The following FAM135A variants were observed in gnomAD, a reference collection of about 807,000 sequenced individuals.
FAM135A encodes the protein family with sequence similarity 135 member A, also known as protein FAM135A.
FAM135A carries 79 observed loss-of-function variants against 146.8 expected under a neutral mutation model. The ratio of observed to expected loss-of-function variants is 0.54; its 90% CI spans 0.45 to 0.65. FAM135A has a LOEUF of 0.65. Ranked by LOEUF, FAM135A falls within the 30% of genes least tolerant of loss-of-function variation. FAM135A has a pLI of 0.00. For synonymous variants in FAM135A, 562 were observed against 603.6 expected (o/e 0.93, Z 1.01); for missense variants, 1,623 against 1,758.2 (o/e 0.92, Z 1.38).
chr6:70,483,926 G>C (rs1044343963), intron 10 of FAM135A, among the ~76,000 whole-genome samples: 4 of 152,136 alleles, frequency 2.6e-5, no homozygotes, highest in Non-Finnish European at 4.4e-5. Flanking sequence ...CTTACTTTGA[G>C]CCTACAAACA....
chr6:70,528,114 A>G (rs145727651), intron 15 of FAM135A, among the ~76,000 whole-genome samples, 178 bp from the exon 16 acceptor site: 247 of 152,342 alleles, frequency 1.6e-3, no homozygotes, highest in Admixed American at 5.4e-3. Flanking sequence ...AATATGTACT[A>G]CAAATAATAA....
intron 2 of FAM135A, among the ~76,000 whole-genome samples, chr6:70,423,591 T>G (rs774181108): frequency 1.1e-4 from 17 of 152,222 alleles, no homozygotes; most frequent in Non-Finnish European, 2.1e-4. Context: ...GCAAAGAATT[T>G]CCTTTTAAAC....
intron 20 of FAM135A, among the ~76,000 whole-genome samples, chr6:70,549,649 T>A (rs1375745385): frequency 6.6e-6 from 1 of 152,222 alleles, no homozygotes; most frequent in Non-Finnish European, 1.5e-5. Flanking sequence ...TAAAATACTT[T>A]ATTGTTAAAA....
At position 70,537,136 on chromosome 6, in the gene FAM135A, A is replaced by G. The variant is rs1796938998; in HGVS notation, c.4117+725A>G. On this transcript the variant is annotated intron_variant, in intron 19 of 21. Coordinates refer to ENST00000418814, the MANE Select transcript of FAM135A (RefSeq NM_001162529.3). ...TTTTTAGTAGAGACGGGGTTTCACC[A>G]TGTTGGCCAGAATGGTCTTGATCTC... 7.2e-5 allele frequency among the ~76,000 whole-genome samples: 11 copies of G among 152,048 alleles called. No individual in the cohort carries two copies. The South Asian group carries it at 2.3e-3, about 32-fold the overall frequency.
chr6:70,480,788 T>G, intron 8 of FAM135A, 113 bp from the exon 9 acceptor site: 4 of 994,732 alleles, frequency 4.0e-6, no homozygotes, highest in Middle Eastern at 2.6e-4. Flanking sequence ...TTTGAACTTA[T>G]AAACTTGCAA....
intron 4 of FAM135A, among the ~76,000 whole-genome samples, chr6:70,442,338 C>G (rs1286965280): frequency 6.8e-6 from 1 of 147,780 alleles, no homozygotes; most frequent in Non-Finnish European, 1.5e-5. Flanking sequence ...TGTGGAATTG[C>G]AATCAAGTAG....
chr6:70,417,548 GT>G, intron 2 of FAM135A: 2 of 918,900 alleles, frequency 2.2e-6, no homozygotes, highest in Non-Finnish European at 2.6e-6. Flanking sequence ...GTTATGAAAT[GT>G]TCTTTTGCTA....
chr6:70,530,806 GA>G (rs1420408186), intron 16 of FAM135A, among the ~76,000 whole-genome samples: 4 of 152,088 alleles, frequency 2.6e-5, no homozygotes, highest in Non-Finnish European at 5.9e-5. Context: ...GATAAAAATA[GA>G]AATATAAACT....
At chr6:70,428,280 A>G (rs1320333152) in intron 3 of FAM135A, 24 bp from the exon 4 acceptor site, 1 of 1,209,236 alleles carries the variant, frequency 8.3e-7, no homozygotes, top group Non-Finnish European at 1.2e-6. Flanking sequence ...GCTTCTCATG[A>G]TTTTTTCCCT....
intron 5 of FAM135A, among the ~76,000 whole-genome samples, chr6:70,453,191 G>A (rs1047779863): frequency 1.3e-5 from 2 of 152,120 alleles, no homozygotes; most frequent in African/African-American, 4.8e-5. Context: ...AAATGAACCA[G>A]TTAATGAAAC....
At chr6:70,530,796 G>A (rs900851365) in intron 16 of FAM135A, among the ~76,000 whole-genome samples, 19 of 152,196 alleles carry the variant, frequency 1.2e-4, no homozygotes, top group African/African-American at 4.6e-4. Context: ...AGAGTTAAAA[G>A]ATAAAAATAG....
At chr6:70,529,270 G>GC (rs1561985978) in intron 16 of FAM135A, among the ~76,000 whole-genome samples, 1 of 150,570 alleles carries the variant, frequency 6.6e-6, no homozygotes, top group East Asian at 1.9e-4. Context: ...TTACTCAACA[G>GC]TTTTTTTTTA....
chr6:70,440,699 A>T (rs1433387145), intron 4 of FAM135A, among the ~76,000 whole-genome samples: 2 of 152,184 alleles, frequency 1.3e-5, no homozygotes, highest in African/African-American at 4.8e-5. Flanking sequence ...TAAAAAATTA[A>T]ATAATTCTGT....
At chr6:70,513,802 T>A (rs2128303317) in intron 12 of FAM135A, among the ~76,000 whole-genome samples, 1 of 152,178 alleles carries the variant, frequency 6.6e-6, no homozygotes, top group East Asian at 1.9e-4. Flanking sequence ...GACTGACAGT[T>A]TTCTCCCTCT....
intron 4 of FAM135A, among the ~76,000 whole-genome samples, chr6:70,438,741 T>TA (rs1773791698): frequency 1.3e-5 from 2 of 152,204 alleles, no homozygotes; most frequent in South Asian, 4.1e-4. Flanking sequence ...CAGAGGTTGC[T>TA]AAAATCTGTG....
At position 70,525,720 on chromosome 6, in the gene FAM135A, T is replaced by G. The variant is rs770014229; in HGVS notation, c.2636T>G (p.Leu879Trp). The change falls in exon 15 of 22, where the codon TTG becomes TGG. Residue 879 changes from leucine (L) to tryptophan (W), a missense_variant. By Grantham distance (61) the Leu-to-Trp change is moderately conservative. This residue lies in a region of FAM135A where 1,061 missense variants were observed against 1,113.8 expected (regional missense o/e 0.95). Coordinates refer to ENST00000418814, the MANE Select transcript of FAM135A (RefSeq NM_001162529.3). ...KTVLNLGTTD[L>W]PKCDDTKKSS... Reference sequence around the variant, plus strand: ...GTATTAAATCTAGGAACGACTGATTTGCCAAAATGTGATGATACTAAAAAG... The same window carrying G: ...GTATTAAATCTAGGAACGACTGATTGGCCAAAATGTGATGATACTAAAAAG... 1 of 1,613,006 alleles carries G rather than the reference T, an allele frequency of 6.2e-7. No homozygotes were observed. The highest frequency in any genetic ancestry group is 8.5e-7 in the Non-Finnish European group (1 of 1,179,558).
At chr6:70,549,179 G>A (rs1799373005) in intron 20 of FAM135A, among the ~76,000 whole-genome samples, 1 of 152,032 alleles carries the variant, frequency 6.6e-6, no homozygotes, top group African/African-American at 2.4e-5. Context: ...ATGAGGTAAA[G>A]GCTATTCATT....
At chr6:70,529,489 A>G (rs993283497) in intron 16 of FAM135A, among the ~76,000 whole-genome samples, 10 of 151,586 alleles carry the variant, frequency 6.6e-5, no homozygotes, top group African/African-American at 2.4e-4. Context: ...TCTCAATGCT[A>G]ACTTTTCTTC....
intron 11 of FAM135A, among the ~76,000 whole-genome samples, chr6:70,496,845 G>A (rs1435599199): frequency 6.6e-6 from 1 of 151,244 alleles, no homozygotes; most frequent in Non-Finnish European, 1.5e-5. Flanking sequence ...TGAGGCCTCT[G>A]TTCTGTTCCA....
Sources: allele counts gnomAD v4.1 joint callset (sites outside exome capture counted in the v4.1 genomes callset), GRCh38; gene constraint gnomAD v4.1.1; regional missense constraint gnomAD v4.1.1; transcripts MANE v1.5; gene names NCBI Gene and HGNC (gene_info 2026-07-23, HGNC 2026-07-21).